The following ZMAT4 variants were observed in gnomAD, a reference collection of about 807,000 sequenced individuals.
The protein encoded by ZMAT4 is zinc finger matrin-type 4.
A neutral mutation model predicts 28.7 loss-of-function variants in ZMAT4; 17 were observed. That is an observed-to-expected ratio of 0.59 (90% CI 0.41 to 0.89). The LOEUF is 0.89. Ranked by LOEUF, ZMAT4 falls within the 40% of genes least tolerant of loss-of-function variation. The pLI, the probability that ZMAT4 is intolerant of heterozygous loss-of-function variation, is 0.00. For synonymous variants in ZMAT4, 117 were observed against 109.2 expected (o/e 1.07, Z -0.44); for missense variants, 240 against 283.8 (o/e 0.85, Z 1.11).
chr8:40,738,744 T>C (rs867481354), intron 3 of ZMAT4, among the ~76,000 whole-genome samples: 1 of 152,168 alleles, frequency 6.6e-6, no homozygotes, highest in African/African-American at 2.4e-5. Context: ...TAAAAGGCTG[T>C]GGCCCCTGTC....
intron 2 of ZMAT4, among the ~76,000 whole-genome samples, chr8:40,789,049 A>C (rs141462181): frequency 9.4e-6 from 1 of 106,206 alleles, no homozygotes; most frequent in Non-Finnish European, 1.8e-5. Flanking sequence ...AGGAAGGAGA[A>C]GGGAAGGGAA....
intron 6 of ZMAT4, among the ~76,000 whole-genome samples, chr8:40,538,536 AT>A (rs1802921348): frequency 6.6e-6 from 1 of 152,138 alleles, no homozygotes; most frequent in Admixed American, 6.5e-5. Context: ...GAATACATCT[AT>A]TTAAATATTT....
intron 2 of ZMAT4, among the ~76,000 whole-genome samples, chr8:40,801,315 T>C (rs910511874): frequency 2.8e-5 from 4 of 143,098 alleles, no homozygotes; most frequent in Admixed American, 7.1e-5. Context: ...CAATTCTCTA[T>C]GGTGTCTTTC....
intron 1 of ZMAT4, among the ~76,000 whole-genome samples, chr8:40,844,980 G>A (rs982503121): frequency 1.3e-5 from 2 of 152,106 alleles, no homozygotes; most frequent in African/African-American, 4.8e-5. Context: ...GGTCCACTGG[G>A]TGACCTCACG....
chr8:40,889,664 ATAT>A (rs1818596996), intron 1 of ZMAT4, among the ~76,000 whole-genome samples: 1 of 152,166 alleles, frequency 6.6e-6, no homozygotes, highest in South Asian at 2.1e-4. Context: ...TGCTTAATAT[ATAT>A]TATTAGCATT....
chr8:40,796,054 GC>G (rs1472579826), intron 2 of ZMAT4, among the ~76,000 whole-genome samples: 52 of 152,306 alleles, frequency 3.4e-4, no homozygotes, highest in African/African-American at 1.2e-3. Flanking sequence ...GGTCTGTGAA[GC>G]CCCTCCTCAG....
At chr8:40,749,417 G>A (rs1812368912) in intron 3 of ZMAT4, among the ~76,000 whole-genome samples, 1 of 152,172 alleles carries the variant, frequency 6.6e-6, no homozygotes, top group Non-Finnish European at 1.5e-5. Flanking sequence ...TCAGCTAGCA[G>A]GAACTGGAGG....
At chr8:40,846,824 C>A (rs1230762151) in intron 1 of ZMAT4, among the ~76,000 whole-genome samples, 1 of 152,154 alleles carries the variant, frequency 6.6e-6, no homozygotes, top group African/African-American at 2.4e-5. Flanking sequence ...TCAGGTAGGT[C>A]ATCATTTTAT....
intron 2 of ZMAT4, among the ~76,000 whole-genome samples, chr8:40,771,357 T>C (rs906662335): frequency 6.6e-6 from 1 of 151,618 alleles, no homozygotes; most frequent in Admixed American, 6.6e-5. Flanking sequence ...AAACCCATGA[T>C]TCATTAGGAT....
chr8:40,887,940 C>G (rs943808310), intron 1 of ZMAT4, among the ~76,000 whole-genome samples: 1 of 152,164 alleles, frequency 6.6e-6, no homozygotes, highest in Non-Finnish European at 1.5e-5. Flanking sequence ...GGTCTCAGCT[C>G]CAGATCTCCA....
intron 3 of ZMAT4, among the ~76,000 whole-genome samples, chr8:40,725,799 T>G (rs1811294780): frequency 6.6e-6 from 1 of 152,134 alleles, no homozygotes; most frequent in Non-Finnish European, 1.5e-5. Flanking sequence ...AAAACAATCA[T>G]GATTTCATGT....
At chr8:40,573,930 C>T (rs1011093070) in intron 6 of ZMAT4, among the ~76,000 whole-genome samples, 47 of 152,204 alleles carry the variant, frequency 3.1e-4, no homozygotes, top group African/African-American at 1.1e-3. Context: ...GTGCTCTTTA[C>T]ACCACACAGT....
At position 40,789,976 on chromosome 8, in the gene ZMAT4, C is replaced by T. The variant is rs145272312; in HGVS notation, c.103-22246G>A. 2.6e-4 allele frequency among the ~76,000 whole-genome samples: 40 copies of T among 152,288 alleles called. No individual in the cohort carries two copies. The East Asian group carries it at 6.2e-3, about 24-fold the overall frequency. ...ATATCCACCCCAAACCAGTCATGTA[C>T]ACTGCCCCACTTCTAGTTAACCCAC... On this transcript the variant is annotated intron_variant, in intron 2 of 6. Transcript: ENST00000297737.
rs545084752 is a variant in ZMAT4 at position 40,792,099 on chromosome 8, G to A, written c.103-24369C>T. Among the ~76,000 whole-genome samples the A allele has an allele frequency of 1.3e-3, 194 of 152,144 alleles. 1 individual carries two copies. The highest frequency in any genetic ancestry group is 3.9e-3 in the Admixed American group (59 of 15,292). Reference sequence around the variant, plus strand: ...CAGAAAATACTTTTACATTAATTTTGTATTTCCTTACCTACAAAAAAATCC... The same window carrying A: ...CAGAAAATACTTTTACATTAATTTTATATTTCCTTACCTACAAAAAAATCC... On this transcript the variant is annotated intron_variant, in intron 2 of 6. Coordinates refer to ENST00000297737, the MANE Select transcript of ZMAT4 (RefSeq NM_024645.3).
At chr8:40,689,239 A>T (rs918131825) in intron 4 of ZMAT4, among the ~76,000 whole-genome samples, 2 of 152,190 alleles carry the variant, frequency 1.3e-5, no homozygotes, top group Admixed American at 6.5e-5. Context: ...ACACAACAGC[A>T]TCCTGGGTGA....
intron 1 of ZMAT4, among the ~76,000 whole-genome samples, chr8:40,837,042 G>A (rs888761871): frequency 1.3e-5 from 2 of 152,142 alleles, no homozygotes; most frequent in African/African-American, 4.8e-5. Flanking sequence ...GATGAGAGAC[G>A]ATTTTCTAGA....
rs4477006 is a variant in ZMAT4 at position 40,753,086 on chromosome 8, T to A, written c.192+14555A>T. On this transcript the variant is annotated intron_variant, in intron 3 of 6. Coordinates refer to ENST00000297737, the MANE Select transcript of ZMAT4 (RefSeq NM_024645.3). ...CAGGCCCCGGTGTGTGGTGTGTGACTTTCCCCTCCCTGTGTCCATGTGTTC... is the reference window on the plus strand; with the variant it reads ...CAGGCCCCGGTGTGTGGTGTGTGACATTCCCCTCCCTGTGTCCATGTGTTC... Among the ~76,000 whole-genome samples, 1,176 of 140,390 alleles carry A rather than the reference T, an allele frequency of 8.4e-3. 22 individuals carry two copies. The highest frequency in any genetic ancestry group is 0.031 in the African/African-American group (1,122 of 36,656). 92.1% of individuals were successfully genotyped at this position (140,390 alleles called of 152,430 possible). A position where few individuals can be genotyped will look rare whatever the true frequency, so the allele number is the denominator to read the frequency against.
intron 2 of ZMAT4, among the ~76,000 whole-genome samples, chr8:40,812,581 T>C (rs1314850876): frequency 2.6e-5 from 4 of 151,956 alleles, no homozygotes; most frequent in Admixed American, 2.6e-4. Flanking sequence ...GGACAGAAAA[T>C]GACACGACAG....
At chr8:40,759,037 C>A (rs1234579914) in intron 3 of ZMAT4, among the ~76,000 whole-genome samples, 1 of 152,106 alleles carries the variant, frequency 6.6e-6, no homozygotes, top group Admixed American at 6.5e-5. Flanking sequence ...GTAATCCTAG[C>A]CCTTTGGAGG....
Sources: gnomAD v4.1 joint callset for allele counts (sites outside exome capture counted in the v4.1 genomes callset) on GRCh38, gnomAD v4.1.1 for gene constraint, MANE v1.5 for transcripts, NCBI Gene and HGNC (gene_info 2026-07-23, HGNC 2026-07-21) for gene names.